Variants in SDK1 observed in about 807,000 individuals in gnomAD.
SDK1 encodes the protein sidekick cell adhesion molecule 1, also known as protein sidekick-1.
Under a neutral mutation model 245.5 loss-of-function variants are expected in SDK1, and 157 were observed. The observed-to-expected ratio is 0.64, with a 90% CI of 0.56 to 0.73. The LOEUF is 0.73. SDK1 is among the 30% of genes least tolerant of loss of function. The pLI is 0.00. For synonymous variants in SDK1, 1,647 were observed against 1,278.5 expected, an observed-to-expected ratio of 1.29 and a Z score of -6.15; for missense variants, 3,583 against 3,002.3, an observed-to-expected ratio of 1.19 and a Z score of -4.52.
At chr7:4,109,207 G>A (rs532230154) in intron 22 of SDK1, among the ~76,000 whole-genome samples, 2 of 152,252 alleles carry the variant, frequency 1.3e-5, no homozygotes, top group African/African-American at 2.4e-5. Context: ...TGGCTTATGC[G>A]GTGACTGTGT....
chr7:3,448,342 T>G (rs1780409654), intron 1 of SDK1, among the ~76,000 whole-genome samples: 3 of 152,236 alleles, frequency 2.0e-5, no homozygotes, highest in African/African-American at 7.2e-5. Context: ...TGGCCATTTT[T>G]CTATTGAGTT....
At chr7:3,425,841 G>C (rs1369172703) in intron 1 of SDK1, among the ~76,000 whole-genome samples, 4 of 152,162 alleles carry the variant, frequency 2.6e-5, no homozygotes, top group Admixed American at 6.5e-5. Context: ...TTCCTTAGGA[G>C]ACTTTCCCTC....
chr7:3,992,791 G>A (rs903058598), intron 14 of SDK1, among the ~76,000 whole-genome samples: 4 of 152,226 alleles, frequency 2.6e-5, no homozygotes, highest in Middle Eastern at 3.4e-3. Context: ...GCTTTCCATC[G>A]TCTTTGGGCT....
chr7:3,404,701 T>C (rs889722035), intron 1 of SDK1, among the ~76,000 whole-genome samples: 2 of 152,220 alleles, frequency 1.3e-5, no homozygotes, highest in African/African-American at 4.8e-5. Flanking sequence ...CTTGAACAAC[T>C]GCAGCCTTGG....
chr7:4,072,688 G>A (rs565355973), intron 20 of SDK1, among the ~76,000 whole-genome samples: 7 of 152,342 alleles, frequency 4.6e-5, no homozygotes, highest in South Asian at 4.1e-4. Flanking sequence ...CCATGCTCTC[G>A]CAGGCTTCCT....
At chr7:4,030,091 T>C (rs1377039265) in intron 17 of SDK1, among the ~76,000 whole-genome samples, 1 of 152,154 alleles carries the variant, frequency 6.6e-6, no homozygotes, top group Admixed American at 6.5e-5. Context: ...CTGTACTGGC[T>C]AGATGCGCGT....
chr7:3,705,315 C>A (rs993574304), intron 4 of SDK1, among the ~76,000 whole-genome samples: 2 of 151,806 alleles, frequency 1.3e-5, no homozygotes, highest in Non-Finnish European at 2.9e-5. Context: ...TCTTTCAATC[C>A]ATGAGCATGG....
intron 5 of SDK1, among the ~76,000 whole-genome samples, chr7:3,836,762 T>C (rs1780036738): frequency 6.6e-6 from 1 of 152,202 alleles, no homozygotes; most frequent in African/African-American, 2.4e-5. Context: ...AAACAAAGAA[T>C]AGACCCTCCA....
intron 22 of SDK1, among the ~76,000 whole-genome samples, chr7:4,101,063 GGCCGCCTT>G (rs1178865889): frequency 6.6e-6 from 1 of 152,218 alleles, no homozygotes; most frequent in Admixed American, 6.5e-5. Flanking sequence ...TTGCCAGAGA[GGCCGCCTT>G]GCCTGGGCCC....
rs975521431 is a variant in SDK1 at position 3,313,858 on chromosome 7, A to G, written c.298+11974A>G. On this transcript the variant is annotated intron_variant, in intron 1 of 44. Transcript: ENST00000404826. ...TGAAGTAATACATATAATTAGCTCTATTTAGCCATTTCACAATATATATGT... is the reference window on the plus strand; with the variant it reads ...TGAAGTAATACATATAATTAGCTCTGTTTAGCCATTTCACAATATATATGT... Among the ~76,000 whole-genome samples the G allele has an allele frequency of 4.6e-4, 70 of 152,224 alleles. 1 individual carries two copies. Among genetic ancestry groups the G allele is most frequent in the African/African-American group, 1.7e-3 (70 of 41,456 alleles).
At chr7:3,850,669 A>T (rs1034344950) in intron 5 of SDK1, among the ~76,000 whole-genome samples, 1 of 152,208 alleles carries the variant, frequency 6.6e-6, no homozygotes, top group Non-Finnish European at 1.5e-5. Context: ...ATGGAATACT[A>T]TGCGGCCATA....
intron 1 of SDK1, among the ~76,000 whole-genome samples, chr7:3,359,343 C>G (rs914525542): frequency 2.0e-5 from 3 of 152,132 alleles, no homozygotes; most frequent in African/African-American, 7.2e-5. Flanking sequence ...TACCCACTTG[C>G]ATAGTGAATA....
chr7:3,829,571 C>T (rs1779863318), intron 5 of SDK1, among the ~76,000 whole-genome samples: 1 of 152,126 alleles, frequency 6.6e-6, no homozygotes, highest in African/African-American at 2.4e-5. Flanking sequence ...GTCCCCCTCC[C>T]AAAACCCTCG....
intron 4 of SDK1, among the ~76,000 whole-genome samples, chr7:3,727,963 C>A (rs1779059867): frequency 6.6e-6 from 1 of 152,188 alleles, no homozygotes; most frequent in East Asian, 1.9e-4. Flanking sequence ...CAGTCTCTGG[C>A]AGTTTCTCCA....
chr7:3,581,319 A>G (rs1180552621), intron 1 of SDK1, among the ~76,000 whole-genome samples: 2 of 152,154 alleles, frequency 1.3e-5, no homozygotes, highest in Non-Finnish European at 2.9e-5. Context: ...GCTAATCACT[A>G]TTATTAATTA....
intron 32 of SDK1, among the ~76,000 whole-genome samples, chr7:4,166,963 C>T (rs962107382): frequency 6.6e-6 from 1 of 152,196 alleles, no homozygotes; most frequent in Non-Finnish European, 1.5e-5. Context: ...GTCCTGCCTC[C>T]TCCTACCCCC....
At chr7:3,695,599 A>G (rs867439742) in intron 4 of SDK1, among the ~76,000 whole-genome samples, 2 of 152,226 alleles carry the variant, frequency 1.3e-5, no homozygotes, top group Non-Finnish European at 2.9e-5. Flanking sequence ...TGGAGGTACC[A>G]TACTTTGATA....
chr7:3,815,776 A>C (rs1385641244), intron 4 of SDK1, among the ~76,000 whole-genome samples: 5 of 151,288 alleles, frequency 3.3e-5, no homozygotes, highest in Non-Finnish European at 7.4e-5. Context: ...CTCCACCCCA[A>C]ATCAACAGAA....
chr7:3,915,720 A>T (rs1450593789), intron 5 of SDK1, among the ~76,000 whole-genome samples: 4 of 152,176 alleles, frequency 2.6e-5, no homozygotes, highest in Non-Finnish European at 5.9e-5. Flanking sequence ...GGCTGACTCC[A>T]AGTTGTCATG....
Sources: allele counts gnomAD v4.1 joint callset (sites outside exome capture counted in the v4.1 genomes callset), GRCh38; gene constraint gnomAD v4.1.1; transcripts MANE v1.5; gene names NCBI Gene and HGNC (gene_info 2026-07-23, HGNC 2026-07-21).